VDAC1: variants seen among roughly 807,000 people sequenced by gnomAD.
VDAC1 encodes the protein non-selective voltage-gated ion channel VDAC1.
VDAC1 carries 10 observed loss-of-function variants against 34.7 expected under a neutral mutation model. The ratio of observed to expected loss-of-function variants is 0.29; its 90% CI spans 0.18 to 0.49. The LOEUF is 0.49. VDAC1 is among the 20% of genes least tolerant of loss of function. The pLI, the probability that VDAC1 is intolerant of heterozygous loss-of-function variation, is 0.99. For synonymous variants in VDAC1, 130 were observed against 136.0 expected (o/e 0.96, Z 0.30); for missense variants, 230 against 347.9 (o/e 0.66, Z 2.69).
At chr5:134,076,539 G>A in the VDAC1 span, among the ~76,000 whole-genome samples, 9 of 152,030 alleles carry the variant, frequency 5.9e-5, no homozygotes, top group Admixed American at 5.9e-4. Context: ...GCTCTCGCCC[G>A]AGCACCCAGC....
At chr5:134,057,456 G>A in the VDAC1 span, among the ~76,000 whole-genome samples, 1 of 150,812 alleles carries the variant, frequency 6.6e-6, no homozygotes, top group Non-Finnish European at 1.5e-5. Flanking sequence ...CTCCAGCCTG[G>A]GCGACAGAGT....
chr5:134,095,340 G>T, the VDAC1 span, among the ~76,000 whole-genome samples: 1 of 151,886 alleles, frequency 6.6e-6, no homozygotes, highest in Non-Finnish European at 1.5e-5. Flanking sequence ...AAAATTAGCT[G>T]GGTATGGTGG....
chr5:133,980,119 A>G (rs1752635635), intron 6 of VDAC1, among the ~76,000 whole-genome samples: 1 of 152,236 alleles, frequency 6.6e-6, no homozygotes, highest in African/African-American at 2.4e-5. Flanking sequence ...TCATGAAACT[A>G]AATAAAACAA....
At chr5:133,994,723 A>G (rs953853132) in intron 1 of VDAC1, among the ~76,000 whole-genome samples, 4 of 152,180 alleles carry the variant, frequency 2.6e-5, no homozygotes, top group East Asian at 1.9e-4. Context: ...GACACAGAAC[A>G]TAACAGTAAC....
chr5:134,002,928 C>G (rs1753614943), intron 1 of VDAC1, among the ~76,000 whole-genome samples: 2 of 150,986 alleles, frequency 1.3e-5, no homozygotes, highest in Admixed American at 1.3e-4. Context: ...ATGGTGCCAC[C>G]GCGCTCCAGA....
At chr5:133,976,071 C>T (rs1255803959) in intron 6 of VDAC1, 50 bp from the exon 7 acceptor site, 1 of 1,609,622 alleles carries the variant, frequency 6.2e-7, no homozygotes, top group Admixed American at 1.7e-5. Flanking sequence ...AGGTGAGCTG[C>T]AGCCCAGACA....
chr5:134,096,057 G>A, the VDAC1 span, among the ~76,000 whole-genome samples: 2 of 152,186 alleles, frequency 1.3e-5, no homozygotes, highest in African/African-American at 2.4e-5. Context: ...AGCCATGGGC[G>A]CCAGCCACCG....
the VDAC1 span, among the ~76,000 whole-genome samples, chr5:134,080,267 A>G: frequency 2.0e-5 from 3 of 152,108 alleles, no homozygotes; most frequent in Admixed American, 6.5e-5. Context: ...CACAAAACAG[A>G]CTATTTCTAG....
chr5:133,980,829 C>T lies in VDAC1; in HGVS notation c.451G>A (p.Ala151Thr). The T allele has an allele frequency of 1.9e-6, 3 of 1,613,626 alleles. No individual in the cohort carries two copies. The highest frequency in any genetic ancestry group is 2.5e-6 in the Non-Finnish European group (3 of 1,179,890). ...GTCTCAAAATTCATCTGGTAGCCGG[C>T]CAGCCAGCCCTCGTAACCTAGCACC... ...ALVLGYEGWL[A>T]GYQMNFETAK... The change falls in exon 6 of 9, where the codon GCC becomes ACC. Residue 151 changes from alanine (A) to threonine (T), a missense_variant. Coordinates refer to ENST00000265333, the MANE Select transcript of VDAC1 (RefSeq NM_003374.3).
chr5:134,069,767 A>C, the VDAC1 span, among the ~76,000 whole-genome samples: 1 of 152,222 alleles, frequency 6.6e-6, no homozygotes, highest in East Asian at 1.9e-4. Flanking sequence ...AATGAGGCTG[A>C]GACCTACTGG....
upstream of VDAC1, among the ~76,000 whole-genome samples, chr5:134,006,158 A>G (rs1166435338): frequency 1.3e-5 from 2 of 152,082 alleles, no homozygotes; most frequent in African/African-American, 2.4e-5. Context: ...TGGGAATGTA[A>G]GGAAGAGCCC....
At chr5:134,112,098 C>A in the VDAC1 span, among the ~76,000 whole-genome samples, 37 of 152,276 alleles carry the variant, frequency 2.4e-4, 1 homozygote, top group South Asian at 7.7e-3. Context: ...TGGGGCCGCA[C>A]CAACTTCTGG....
the VDAC1 span, among the ~76,000 whole-genome samples, chr5:134,108,824 C>T: frequency 6.6e-6 from 1 of 152,144 alleles, no homozygotes; most frequent in Admixed American, 6.5e-5. Context: ...GTCCCAGGGA[C>T]CCTATGGGGT....
chr5:134,009,807 A>C (rs1753803938), upstream of VDAC1, among the ~76,000 whole-genome samples: 1 of 151,834 alleles, frequency 6.6e-6, no homozygotes, highest in Non-Finnish European at 1.5e-5. Context: ...CAGCCTCCCA[A>C]GTAGCTGTGA....
chr5:134,113,646 G>C, the VDAC1 span, among the ~76,000 whole-genome samples: 7 of 152,388 alleles, frequency 4.6e-5, no homozygotes, highest in South Asian at 1.4e-3. Flanking sequence ...CCAAAGGACC[G>C]GCGTCTTTTG....
chr5:134,083,642 G>GC, the VDAC1 span, among the ~76,000 whole-genome samples: 1 of 152,226 alleles, frequency 6.6e-6, no homozygotes, highest in Non-Finnish European at 1.5e-5. Flanking sequence ...GCCTCAGCTG[G>GC]CCGTGGTACC....
the VDAC1 span, among the ~76,000 whole-genome samples, chr5:134,062,728 G>A: frequency 6.6e-6 from 1 of 151,630 alleles, no homozygotes; most frequent in Non-Finnish European, 1.5e-5. Flanking sequence ...CCAGATTCAA[G>A]CGATTCTCCC....
At chr5:134,097,719 T>C in the VDAC1 span, among the ~76,000 whole-genome samples, 1 of 152,152 alleles carries the variant, frequency 6.6e-6, no homozygotes, top group Non-Finnish European at 1.5e-5. Flanking sequence ...TAGAAGAGTG[T>C]GTGTTTTCTC....
At chr5:133,994,309 T>C (rs1321629257) in intron 1 of VDAC1, among the ~76,000 whole-genome samples, 13 of 152,254 alleles carry the variant, frequency 8.5e-5, no homozygotes, top group Admixed American at 7.9e-4. Context: ...ATCCAGGTCC[T>C]ACTTTACTTT....
Sources: gnomAD v4.1 joint callset for allele counts (sites outside exome capture counted in the v4.1 genomes callset) on GRCh38, gnomAD v4.1.1 for gene constraint, MANE v1.5 for transcripts, NCBI Gene and HGNC (gene_info 2026-07-23, HGNC 2026-07-21) for gene names.